SCN7A: variants seen among roughly 807,000 people sequenced by gnomAD.
SCN7A encodes the protein sodium channel protein type 7 subunit alpha.
Under a neutral mutation model 155.2 loss-of-function variants are expected in SCN7A, and 138 were observed. That is an observed-to-expected ratio of 0.89 (90% CI 0.77 to 1.02). The LOEUF is 1.02. Ranked by LOEUF, SCN7A falls within the 50% of genes least tolerant of loss-of-function variation. The pLI is 0.00. For missense variants in SCN7A, 2,058 were observed against 1,986.6 expected (o/e 1.04, Z -0.68); for synonymous variants, 693 against 649.0 (o/e 1.07, Z -1.03).
At chr2:166,425,139 A>G (rs1701594778) in intron 18 of SCN7A, among the ~76,000 whole-genome samples, 1 of 152,074 alleles carries the variant, frequency 6.6e-6, no homozygotes, top group Non-Finnish European at 1.5e-5. Flanking sequence ...GCCTCCCCAC[A>G]AGATCAAGCT....
In SCN7A at chr2:166,405,662, C is replaced by T; in HGVS notation, c.4967G>A (p.Gly1656Asp). Residue 1656 changes from glycine to aspartate, a missense_variant, in exon 26 of 26, where the codon GGT (glycine) becomes GAT (aspartate). Transcript: ENST00000643258. ...KNTSDIHMID[G>D]DRDVHATKEG... is the part of the protein sequence containing the mutation. ...TTTAGTAGCATGAACATCTCTGTCACCATCTATCATATGAATATCTGATGT... is the reference window on the plus strand; with the variant it reads ...TTTAGTAGCATGAACATCTCTGTCATCATCTATCATATGAATATCTGATGT... The T allele has an allele frequency of 2.5e-6, 4 of 1,612,798 alleles. No homozygotes were observed. In the African/African-American group the frequency reaches 5.3e-5, roughly 22 times the overall value.
At chr2:166,448,733 T>C (rs1702117940) in intron 11 of SCN7A, among the ~76,000 whole-genome samples, 1 of 152,222 alleles carries the variant, frequency 6.6e-6, no homozygotes, top group East Asian at 1.9e-4. Flanking sequence ...ATGATCCATA[T>C]TTGACAAGTA....
In SCN7A at chr2:166,412,530, CTTTAT is replaced by C. The variant is rs1701223749; in HGVS notation, c.3601_3605del (p.Ile1201AlafsTer11). The C allele has an allele frequency of 1.4e-6, 2 of 1,464,578 alleles. No homozygotes were observed. Among genetic ancestry groups the C allele is most frequent in the South Asian group, 3.0e-5 (2 of 66,670 alleles). The allele number at this position is 1,464,578 out of a possible 1,614,324, so 90.7% of individuals were successfully genotyped here. ...ATAAACAAATAATATTTATACTTAT[CTTTAT>C]TTTATGCTTGTTGAAATTATCAATA... On this transcript the variant is annotated frameshift_variant and splice_region_variant, in exon 23 of 26. Coordinates refer to ENST00000643258, the MANE Select transcript of SCN7A (RefSeq NM_002976.4). LOFTEE classifies it high-confidence loss of function.
chr2:166,483,653 A>G (rs1489077486), intron 2 of SCN7A, among the ~76,000 whole-genome samples: 1 of 151,882 alleles, frequency 6.6e-6, no homozygotes, highest in Non-Finnish European at 1.5e-5. Context: ...ATCTTTAATA[A>G]TTTAAAATAG....
intron 15 of SCN7A, among the ~76,000 whole-genome samples, chr2:166,439,255 C>A (rs1701905951): frequency 6.6e-6 from 1 of 151,718 alleles, no homozygotes; most frequent in Non-Finnish European, 1.5e-5. Context: ...CCATCTCCAG[C>A]TGTAAGAGAG....
At chr2:166,424,894 T>C (rs924649262) in intron 18 of SCN7A, among the ~76,000 whole-genome samples, 3 of 152,010 alleles carry the variant, frequency 2.0e-5, no homozygotes, top group African/African-American at 7.2e-5. Context: ...CCACCAAGAA[T>C]TCCCTTACTG....
intron 18 of SCN7A, among the ~76,000 whole-genome samples, chr2:166,426,473 G>A (rs1701628092): frequency 6.6e-6 from 1 of 152,006 alleles, no homozygotes; most frequent in African/African-American, 2.4e-5. Flanking sequence ...TTCAAGCTTA[G>A]ATGTCATTTG....
chr2:166,445,968 C>T lies in SCN7A; in HGVS notation c.1388-968G>A, dbSNP rs143707977. ...ATACGATTCAGAACATAAGCATGGG[C>T]AAAGCCTTCATGACTAAAACACCAA... On this transcript the variant is annotated intron_variant, in intron 12 of 25. Transcript: ENST00000643258. Among the ~76,000 whole-genome samples, 387 of 152,184 alleles carry T rather than the reference C, an allele frequency of 2.5e-3. 2 individuals are homozygous for T. Among genetic ancestry groups the T allele is most frequent in the Middle Eastern group, 0.01 (3 of 294 alleles).
At chr2:166,413,393 C>T (rs969413655) in intron 21 of SCN7A, among the ~76,000 whole-genome samples, 1 of 152,052 alleles carries the variant, frequency 6.6e-6, no homozygotes, top group Admixed American at 6.6e-5. Context: ...TAAATAATTA[C>T]ATGCGGCCAT....
chr2:166,406,932 G>T (rs1171940039), intron 25 of SCN7A, among the ~76,000 whole-genome samples: 2 of 151,950 alleles, frequency 1.3e-5, no homozygotes, highest in African/African-American at 4.8e-5. Flanking sequence ...AATTACAGAT[G>T]ACCTGATTCT....
intron 12 of SCN7A, among the ~76,000 whole-genome samples, chr2:166,445,202 G>A (rs1246140067): frequency 6.6e-6 from 1 of 152,034 alleles, no homozygotes; most frequent in Admixed American, 6.6e-5. Context: ...TGTAACCCCA[G>A]CTACTCGGGA....
intron 20 of SCN7A, among the ~76,000 whole-genome samples, chr2:166,419,290 A>G (rs1701459374): frequency 6.6e-6 from 1 of 150,872 alleles, no homozygotes; most frequent in African/African-American, 2.4e-5. Context: ...GGCCCTCTGT[A>G]GTTTACATGT....
chr2:166,414,271 CATAT>C lies in SCN7A; in HGVS notation c.3415-1154_3415-1151del, dbSNP rs1177888543. Among the ~76,000 whole-genome samples, 4 of 27,750 alleles carry C rather than the reference CATAT, an allele frequency of 1.4e-4. 1 individual carries two copies. Among genetic ancestry groups the C allele is most frequent in the Non-Finnish European group, 2.9e-4 (4 of 13,680 alleles). The allele number at this position is 27,750 out of a possible 152,430, so 18.2% of individuals were successfully genotyped here. Reference sequence around the variant, plus strand: ...ATATATATAGATATATATACACACACATATATATATATATACACACACATATATA... The same window carrying C: ...ATATATATAGATATATATACACACACATATATATATACACACACATATATA... On this transcript the variant is annotated intron_variant, in intron 21 of 25. Transcript: ENST00000643258.
chr2:166,489,443 C>T (rs1268351896), intron 1 of SCN7A, among the ~76,000 whole-genome samples: 2 of 152,074 alleles, frequency 1.3e-5, no homozygotes, highest in African/African-American at 2.4e-5. Context: ...GTATGTATTA[C>T]CAAAGCCCAG....
chr2:166,472,303 A>C lies in SCN7A; in HGVS notation c.572+14T>G. ...CAAAACATTAAAATAGACTCAATTT[A>C]AAGAAATACTCACTCAAACACAGTT... On this transcript the variant is annotated intron_variant, in intron 6 of 25. Coordinates refer to ENST00000643258, the MANE Select transcript of SCN7A (RefSeq NM_002976.4). The C allele has an allele frequency of 6.4e-7, 1 of 1,574,188 alleles. No homozygotes were observed. The highest frequency in any genetic ancestry group is 8.6e-7 in the Non-Finnish European group (1 of 1,165,224).
At chr2:166,411,825 T>G (rs1208769040) in intron 23 of SCN7A, among the ~76,000 whole-genome samples, 1 of 152,068 alleles carries the variant, frequency 6.6e-6, no homozygotes, top group Non-Finnish European at 1.5e-5. Context: ...ATTTTACACA[T>G]GGCTAAAGTT....
intron 16 of SCN7A, among the ~76,000 whole-genome samples, chr2:166,431,462 T>C (rs377006229): frequency 1.3e-5 from 2 of 151,984 alleles, no homozygotes; most frequent in East Asian, 1.9e-4. Flanking sequence ...TAAAGACACA[T>C]TCCCCGACCC....
intron 12 of SCN7A, among the ~76,000 whole-genome samples, chr2:166,445,492 G>T (rs957314365): frequency 4.6e-5 from 7 of 152,106 alleles, no homozygotes; most frequent in Non-Finnish European, 7.4e-5. Flanking sequence ...ATTCTGATAT[G>T]GAATTCAAAA....
intron 11 of SCN7A, among the ~76,000 whole-genome samples, chr2:166,454,522 G>A (rs762696318): frequency 1.9e-4 from 29 of 152,112 alleles, no homozygotes; most frequent in Admixed American, 3.9e-4. Context: ...GTTATATACA[G>A]GGGAGTTAAC....
Sources: allele counts gnomAD v4.1 joint callset (sites outside exome capture counted in the v4.1 genomes callset), GRCh38; gene constraint gnomAD v4.1.1; transcripts MANE v1.5; gene names NCBI Gene and HGNC (gene_info 2026-07-23, HGNC 2026-07-21).